The following ITIH4 variants were observed in gnomAD, a reference collection of about 807,000 sequenced individuals.
ITIH4 encodes inter-alpha-trypsin inhibitor heavy chain H4.
A neutral mutation model predicts 111.8 loss-of-function variants in ITIH4; 79 were observed. That is an observed-to-expected ratio of 0.71 (90% CI 0.59 to 0.85). The LOEUF (loss-of-function observed/expected upper bound fraction) is 0.85, where lower values mean the gene tolerates loss of function less well. Ranked by LOEUF, ITIH4 falls within the 40% of genes least tolerant of loss-of-function variation. The pLI is 0.00. For synonymous variants in ITIH4, 472 were observed against 468.3 expected (o/e 1.01, Z -0.10); for missense variants, 1,065 against 1,195.8 (o/e 0.89, Z 1.61).
At chr3:52,823,441 A>G (rs1005250055) in intron 11 of ITIH4, 115 bp downstream of exon 11, 3 of 804,990 alleles carry the variant, frequency 3.7e-6, no homozygotes, top group Admixed American at 5.3e-5. Context: ...TGTGTCATCC[A>G]CAGGCAGCAG....
At chr3:52,817,107 G>C in intron 20 of ITIH4, 49 bp from the exon 21 acceptor site, 4 of 1,546,220 alleles carry the variant, frequency 2.6e-6, no homozygotes, top group African/African-American at 1.4e-5. Flanking sequence ...AGCCAGGTCT[G>C]ACACCGACCT....
At position 52,814,601 on chromosome 3, in the gene ITIH4, G is replaced by A. The variant is rs146550917; in HGVS notation, c.2472-238C>T. Among the ~76,000 whole-genome samples, 210 of 152,058 alleles carry A rather than the reference G, an allele frequency of 1.4e-3. 1 individual carries two copies. Among genetic ancestry groups the A allele is most frequent in the African/African-American group, 4.7e-3 (194 of 41,480 alleles). On this transcript the variant is annotated intron_variant, in intron 21 of 23. Transcript: ENST00000266041. ...TTTTTTTCTTTCTCTTTTTTGGTGG[G>A]GCAGGGACAGGGTCTCACTCTGTCC...
Position 52,812,970 on chromosome 3 carries a change from A to ATTT in ITIH4, c.*448_*450dup, listed in dbSNP as rs67293153. On this transcript the variant is annotated 3_prime_UTR_variant, in exon 24 of 24. Transcript: ENST00000266041. ...AAAGAATTCCAACCCAGTTCACTCT[A>ATTT]TTTTTTTTTTTTTTTTTTTTGTAGT... The ATTT allele has an allele frequency of 1.1e-3, 149 of 132,806 alleles. 1 individual carries two copies. The highest frequency in any genetic ancestry group is 4.0e-3 in the African/African-American group (137 of 34,316). 8.2% of individuals were successfully genotyped at this position (132,806 alleles called of 1,614,324 possible). A position where few individuals can be genotyped will look rare whatever the true frequency, so the allele number is the denominator to read the frequency against.
At chr3:52,828,953 G>C (rs1700525105) in intron 2 of ITIH4, among the ~76,000 whole-genome samples, 166 bp downstream of exon 2, 1 of 152,144 alleles carries the variant, frequency 6.6e-6, no homozygotes, top group Non-Finnish European at 1.5e-5. Context: ...TTGAGAATAA[G>C]TCCTTTGGCA....
At chr3:52,816,328 G>A (rs966105053) in intron 21 of ITIH4, among the ~76,000 whole-genome samples, 1 of 152,226 alleles carries the variant, frequency 6.6e-6, no homozygotes, top group Non-Finnish European at 1.5e-5. Context: ...TGAGGCCACT[G>A]ACTTGTGTCT....
chr3:52,823,634 CT>C lies in ITIH4; in HGVS notation c.1460del (p.Lys487ArgfsTer65), dbSNP rs1700431422. On this transcript the variant is annotated frameshift_variant, in exon 11 of 24. Coordinates refer to ENST00000266041, the MANE Select transcript of ITIH4 (RefSeq NM_002218.5). LOFTEE classifies it high-confidence loss of function. The part of the protein sequence containing the change: ...VTQNNFRLLF[K>X]GSEMVVAGKL... ...TCCCAGCCACCACCATCTCTGAGCC[CT>C]TGAAGAGGAGCCGGAAGTTGTTCTG... 3 of 1,614,196 alleles carry C rather than the reference CT, an allele frequency of 1.9e-6. No homozygotes were observed. The highest frequency in any genetic ancestry group is 4.5e-5 in the East Asian group (2 of 44,878).
intron 22 of ITIH4, 36 bp downstream of exon 22, chr3:52,814,173 T>A (rs531071047): frequency 6.2e-7 from 1 of 1,607,736 alleles, no homozygotes; most frequent in Non-Finnish European, 8.5e-7. Context: ...AGCTGGTTTC[T>A]GAGGAAGGCC....
At chr3:52,816,790 C>T in intron 21 of ITIH4, 94 bp downstream of exon 21, 1 of 1,211,058 alleles carries the variant, frequency 8.3e-7, no homozygotes, top group Admixed American at 1.9e-5. Flanking sequence ...GCTCCATTCT[C>T]AGGTCCATGG....
At chr3:52,817,103 G>A (rs1306561549) in intron 20 of ITIH4, 45 bp from the exon 21 acceptor site, 2 of 1,560,108 alleles carry the variant, frequency 1.3e-6, no homozygotes, top group East Asian at 2.3e-5. Flanking sequence ...CCCCAGCCAG[G>A]TCTGACACCG....
chr3:52,814,683 C>T lies in ITIH4; in HGVS notation c.2472-320G>A, dbSNP rs117472026. 6.6e-4 allele frequency among the ~76,000 whole-genome samples: 100 copies of T among 152,130 alleles called. No homozygotes were observed. The East Asian group carries it at 0.017, about 26-fold the overall frequency. On this transcript the variant is annotated intron_variant, in intron 21 of 23. Transcript: ENST00000266041. ...CTCGTTGCAACCTGTGCCTCCTCGGCTCAAGTGATTCTCCCACCTCTACCT... is the reference window on the plus strand; with the variant it reads ...CTCGTTGCAACCTGTGCCTCCTCGGTTCAAGTGATTCTCCCACCTCTACCT...
chr3:52,821,802 G>A (rs1700386051), intron 11 of ITIH4, among the ~76,000 whole-genome samples: 1 of 152,174 alleles, frequency 6.6e-6, no homozygotes, highest in South Asian at 2.1e-4. Flanking sequence ...AGGAATCCCA[G>A]GCCTCTCCCA....
intron 14 of ITIH4, 37 bp downstream of exon 14, chr3:52,820,254 C>T: frequency 6.2e-7 from 1 of 1,613,828 alleles, no homozygotes; most frequent in South Asian, 1.1e-5. Flanking sequence ...TAGCAGACCA[C>T]CACCCAGCAC....
chr3:52,829,087 T>TGGG, intron 2 of ITIH4, 32 bp downstream of exon 2: 1 of 1,307,682 alleles, frequency 7.6e-7, no homozygotes, highest in Non-Finnish European at 1.0e-6. Context: ...CTGGGGGGTG[T>TGGG]GGAGAGGGGA....
At chr3:52,823,357 C>T (rs1284594882) in intron 11 of ITIH4, 199 bp downstream of exon 11, 6 of 586,942 alleles carry the variant, frequency 1.0e-5, no homozygotes, top group Admixed American at 3.0e-5. Context: ...GTGCACAGAC[C>T]GGCTGCCGAG....
chr3:52,819,675 G>T lies in ITIH4; in HGVS notation c.1951+79C>A, dbSNP rs979793487. 2.3e-5 allele frequency: 37 copies of T among 1,584,388 alleles called. No individual in the cohort carries two copies. The African/African-American group carries it at 4.9e-4, about 21-fold the overall frequency. On this transcript the variant is annotated intron_variant, in intron 16 of 23. Coordinates refer to ENST00000266041, the MANE Select transcript of ITIH4 (RefSeq NM_002218.5). ...GGGGAGCCTCTCCCCCAACAGCTGG[G>T]AGATGAACAATAATGGACCTCCCTC...
At chr3:52,818,799 A>C in intron 17 of ITIH4, 1 of 518,140 alleles carries the variant, frequency 1.9e-6, no homozygotes, top group South Asian at 2.3e-5. Context: ...GAACGGAGGA[A>C]GCCCTCCCTT....
chr3:52,812,970 ATTTTTTTTTTT>A lies in ITIH4; in HGVS notation c.*440_*450del, dbSNP rs67293153. ...AAAGAATTCCAACCCAGTTCACTCT[ATTTTTTTTTTT>A]TTTTTTTTTGTAGTCAAAACTGGTC... On this transcript the variant is annotated 3_prime_UTR_variant, in exon 24 of 24. Transcript: ENST00000266041. 11,750 of 132,850 alleles carry A rather than the reference ATTTTTTTTTTT, an allele frequency of 0.088. 617 individuals are homozygous for A. Among genetic ancestry groups the A allele is most frequent in the Non-Finnish European group, 0.12 (7,517 of 63,436 alleles). 8.2% of individuals were successfully genotyped at this position (132,850 alleles called of 1,614,324 possible).
rs1700483356 is a variant in ITIH4, at chr3:52,826,659, C to T, written c.520-8G>A. On this transcript the variant is annotated splice_polypyrimidine_tract_variant and splice_region_variant and intron_variant, in intron 4 of 23. Transcript: ENST00000266041. The stretch of plus-strand genomic sequence containing the variant: ...GAAGATGTGAATGTCCATCTGGAGG[C>T]AAGATGTGGGTCCCTGGGTCAGCCA... 6.2e-7 allele frequency: 1 copy of T among 1,613,500 alleles called. No individual in the cohort carries two copies. The highest frequency in any genetic ancestry group is 8.5e-7 in the Non-Finnish European group (1 of 1,179,550).
Position 52,813,439 on chromosome 3 carries a change from G to T in ITIH4, c.2775C>A (p.Cys925Ter). ...ATCAGAACTACAGCTCCACAGACCA[G>T]CAGGAAATCTCCACTCCCGGGGGCC... ...QEGPPGVEIS[C>*]WSVEL The change falls in exon 24 of 24, where the codon TGC (cysteine) becomes TGA (stop). Residue 925 changes from cysteine to a stop codon, truncating the protein, a stop_gained. Transcript: ENST00000266041. LOFTEE classifies it high-confidence loss of function. 6.2e-7 allele frequency: 1 copy of T among 1,614,108 alleles called. No homozygotes were observed. Among genetic ancestry groups the T allele is most frequent in the Non-Finnish European group, 8.5e-7 (1 of 1,179,984 alleles).
Sources: allele counts gnomAD v4.1 joint callset (sites outside exome capture counted in the v4.1 genomes callset), GRCh38; gene constraint gnomAD v4.1.1; transcripts MANE v1.5; gene names NCBI Gene and HGNC (gene_info 2026-07-23, HGNC 2026-07-21).